The following ASAP2 variants were observed in gnomAD, a reference collection of about 807,000 sequenced individuals.
The protein encoded by ASAP2 is arf-GAP with SH3 domain, ANK repeat and PH domain-containing protein 2.
A neutral mutation model predicts 131.4 loss-of-function variants in ASAP2; 45 were observed. That is an observed-to-expected ratio of 0.34 (90% CI 0.27 to 0.44). The LOEUF is 0.44. Ranked by LOEUF, ASAP2 falls within the 20% of genes least tolerant of loss-of-function variation. The probability of loss-of-function intolerance (pLI) is 1.00; values close to 1 mark genes in which losing one functional copy is unlikely to be tolerated. For missense variants in ASAP2, 1,011 were observed against 1,297.0 expected (o/e 0.78, Z 3.39); for synonymous variants, 510 against 503.0 (o/e 1.01, Z -0.19).
chr2:9,402,192 C>T (rs1676770689), intron 27 of ASAP2, among the ~76,000 whole-genome samples: 1 of 152,324 alleles, frequency 6.6e-6, no homozygotes, highest in Middle Eastern at 3.4e-3. Context: ...CACTGTCCCT[C>T]CCAGAACTCC....
intron 6 of ASAP2, among the ~76,000 whole-genome samples, 197 bp downstream of exon 6, chr2:9,323,447 A>C (rs1350399613): frequency 6.6e-6 from 1 of 152,350 alleles, no homozygotes; most frequent in South Asian, 2.1e-4. Context: ...TTACTTTAAC[A>C]CCAACATTTT....
chr2:9,289,603 G>A (rs1470614406), intron 2 of ASAP2, among the ~76,000 whole-genome samples: 1 of 152,166 alleles, frequency 6.6e-6, no homozygotes, highest in African/African-American at 2.4e-5. Flanking sequence ...TGCCTTCCAA[G>A]TGTACTCCTA....
chr2:9,357,571 G>C (rs1263708298), intron 14 of ASAP2, among the ~76,000 whole-genome samples: 1 of 152,176 alleles, frequency 6.6e-6, no homozygotes, highest in East Asian at 1.9e-4. Flanking sequence ...TTGAGAAAGG[G>C]TAAAGACAGT....
chr2:9,390,946 T>C, intron 22 of ASAP2, 116 bp from the exon 23 acceptor site: 1 of 1,499,238 alleles, frequency 6.7e-7, no homozygotes, highest in South Asian at 1.2e-5. Flanking sequence ...AGAAGGGTCA[T>C]ACTGACCGTT....
At chr2:9,360,057 A>G (rs982551206) in intron 15 of ASAP2, among the ~76,000 whole-genome samples, 1 of 152,326 alleles carries the variant, frequency 6.6e-6, no homozygotes, top group African/African-American at 2.4e-5. Flanking sequence ...TATCTCTTGG[A>G]TAACTGATGA....
Position 9,355,382 on chromosome 2 carries a change from T to A in ASAP2, c.1112-665T>A, listed in dbSNP as rs568624504. On this transcript the variant is annotated intron_variant, in intron 12 of 27. Transcript: ENST00000281419. ...CTTAATTTGGATTTCTCTAGTGTTT[T>A]CTCATGAGTGGATTGAGGTTATATG... 1.8e-4 allele frequency among the ~76,000 whole-genome samples: 27 copies of A among 152,324 alleles called. 1 individual carries two copies. Among genetic ancestry groups the A allele is most frequent in the Admixed American group, 8.5e-4 (13 of 15,300 alleles).
chr2:9,344,878 G>A, intron 11 of ASAP2, 78 bp downstream of exon 11: 1 of 1,284,514 alleles, frequency 7.8e-7, no homozygotes, highest in Non-Finnish European at 1.1e-6. Context: ...AAGTTAGAGG[G>A]CAGGAGTTGT....
chr2:9,288,355 GA>G (rs774331901), intron 2 of ASAP2, among the ~76,000 whole-genome samples: 1 of 152,154 alleles, frequency 6.6e-6, no homozygotes, highest in Non-Finnish European at 1.5e-5. Context: ...GCTACTATCT[GA>G]GGCTTTAGAG....
At chr2:9,377,017 G>A in intron 18 of ASAP2, 24 bp downstream of exon 18, 2 of 1,593,912 alleles carry the variant, frequency 1.3e-6, no homozygotes, top group Admixed American at 1.7e-5. Flanking sequence ...AATTAAGGGA[G>A]GCACTCGTTT....
chr2:9,358,058 A>G (rs1381092231), intron 14 of ASAP2, among the ~76,000 whole-genome samples: 1 of 152,158 alleles, frequency 6.6e-6, no homozygotes, highest in East Asian at 1.9e-4. Context: ...GTGAGGGGAA[A>G]ACGTGGCTTT....
intron 1 of ASAP2, among the ~76,000 whole-genome samples, chr2:9,235,703 C>T (rs1286279137): frequency 1.3e-5 from 2 of 152,056 alleles, no homozygotes; most frequent in African/African-American, 4.8e-5. Flanking sequence ...AGGTGTCGGG[C>T]TGGGTAGGGC....
intron 2 of ASAP2, among the ~76,000 whole-genome samples, chr2:9,284,198 G>A (rs976373803): frequency 6.6e-5 from 10 of 152,210 alleles, no homozygotes; most frequent in African/African-American, 2.4e-4. Context: ...TGGGCATCTG[G>A]TGGTGGAGGA....
intron 1 of ASAP2, among the ~76,000 whole-genome samples, chr2:9,220,405 T>G (rs897482842): frequency 2.0e-5 from 3 of 152,246 alleles, no homozygotes; most frequent in African/African-American, 7.2e-5. Context: ...TTGTCTTTTT[T>G]ATTACACCCA....
chr2:9,393,063 C>T (rs911167449), intron 23 of ASAP2, among the ~76,000 whole-genome samples: 2 of 152,156 alleles, frequency 1.3e-5, no homozygotes, highest in Non-Finnish European at 2.9e-5. Flanking sequence ...CCCAGCAGCC[C>T]GATGAAGTGG....
intron 2 of ASAP2, among the ~76,000 whole-genome samples, chr2:9,288,737 G>T (rs576403943): frequency 6.6e-6 from 1 of 152,218 alleles, no homozygotes; most frequent in South Asian, 2.1e-4. Flanking sequence ...CAGACACCTT[G>T]GGGTAGCCTG....
intron 3 of ASAP2, among the ~76,000 whole-genome samples, chr2:9,309,955 C>T (rs548245177): frequency 4.1e-4 from 62 of 152,328 alleles, no homozygotes; most frequent in African/African-American, 1.5e-3. Flanking sequence ...TGTTGTAGGC[C>T]GTGAGCTCTG....
intron 24 of ASAP2, chr2:9,399,516 G>T: frequency 6.3e-6 from 1 of 157,786 alleles, no homozygotes; most frequent in Non-Finnish European, 1.4e-5. Flanking sequence ...GTGGCTTTGG[G>T]GTGTGCTGGC....
intron 3 of ASAP2, among the ~76,000 whole-genome samples, chr2:9,308,533 G>C (rs1473338133): frequency 2.0e-5 from 3 of 152,144 alleles, no homozygotes; most frequent in Non-Finnish European, 4.4e-5. Context: ...TACCTGACGG[G>C]CTGCTCTGTG....
At chr2:9,330,419 A>C (rs1309741767) in intron 7 of ASAP2, among the ~76,000 whole-genome samples, 1 of 152,158 alleles carries the variant, frequency 6.6e-6, no homozygotes, top group African/African-American at 2.4e-5. Context: ...AGGAGGGTGA[A>C]GGGAGTGGGG....
Sources: gnomAD v4.1 joint callset for allele counts (sites outside exome capture counted in the v4.1 genomes callset) on GRCh38, gnomAD v4.1.1 for gene constraint, MANE v1.5 for transcripts, NCBI Gene and HGNC (gene_info 2026-07-23, HGNC 2026-07-21) for gene names.